TMEM135: variants seen among roughly 807,000 people sequenced by gnomAD.
The protein encoded by TMEM135 is transmembrane protein 135.
In TMEM135, 30 loss-of-function variants were observed where a neutral mutation model predicts 60.3. That is an observed-to-expected ratio of 0.50 (90% CI 0.37 to 0.68). The LOEUF (loss-of-function observed/expected upper bound fraction) is 0.68. TMEM135 is among the 30% of genes least tolerant of loss of function. TMEM135 has a pLI of 0.00. For synonymous variants in TMEM135, 190 were observed against 186.7 expected, an observed-to-expected ratio of 1.02 and a Z score of -0.14; for missense variants, 468 against 548.8, an observed-to-expected ratio of 0.85 and a Z score of 1.47.
At chr11:87,073,821 C>G (rs1241123285) in intron 3 of TMEM135, among the ~76,000 whole-genome samples, 1 of 152,022 alleles carries the variant, frequency 6.6e-6, no homozygotes, top group Non-Finnish European at 1.5e-5. Context: ...GTGCCTGCCA[C>G]CACGCCTGGC....
chr11:87,133,133 A>T (rs1437178004), intron 4 of TMEM135, among the ~76,000 whole-genome samples: 1 of 152,200 alleles, frequency 6.6e-6, no homozygotes, highest in Non-Finnish European at 1.5e-5. Flanking sequence ...GATGTTATCA[A>T]ACTACTCATA....
intron 6 of TMEM135, among the ~76,000 whole-genome samples, chr11:87,277,676 C>T (rs545931436): frequency 3.3e-5 from 5 of 151,970 alleles, no homozygotes; most frequent in Admixed American, 3.3e-4. Context: ...CGCCCACCAC[C>T]ACGCCTGGCT....
chr11:87,229,636 T>C (rs1455761154), intron 5 of TMEM135, among the ~76,000 whole-genome samples: 2 of 152,208 alleles, frequency 1.3e-5, no homozygotes, highest in African/African-American at 4.8e-5. Context: ...TTACAAAGTA[T>C]GCTTTGGTAT....
At chr11:87,221,277 C>A (rs183797528) in intron 5 of TMEM135, among the ~76,000 whole-genome samples, 11 of 152,234 alleles carry the variant, frequency 7.2e-5, no homozygotes, top group African/African-American at 9.6e-5. Flanking sequence ...TATGAAAAAA[C>A]CAGCTAAAGT....
intron 3 of TMEM135, among the ~76,000 whole-genome samples, chr11:87,089,642 A>ATT (rs1284063073): frequency 6.6e-6 from 1 of 152,174 alleles, no homozygotes; most frequent in East Asian, 1.9e-4. Flanking sequence ...TTTTTTCTTC[A>ATT]TATGTAACCA....
At position 87,302,422 on chromosome 11, in the gene TMEM135, C is replaced by G. The variant is rs762893120; in HGVS notation, c.678C>G (p.Val226=). 3.7e-6 allele frequency: 6 copies of G among 1,613,702 alleles called. No homozygotes were observed. In the African/African-American group the frequency reaches 8.0e-5, roughly 22 times the overall value. Reference sequence around the variant, plus strand: ...GAAGAATGAATATGATTGGTCTAGTCAGGAAATTTGTGGATTCAATGTGAG... The same window carrying G: ...GAAGAATGAATATGATTGGTCTAGTGAGGAAATTTGTGGATTCAATGTGAG... ...KPGRMNMIGL[V]RKFVDSICKH... is the part of the protein sequence containing the mutation. The change falls in exon 8 of 15, where the codon GTC becomes GTG. Residue 226 remains valine, a synonymous_variant. Transcript: ENST00000305494.
chr11:87,080,747 C>A (rs1205413858), intron 3 of TMEM135, among the ~76,000 whole-genome samples: 1 of 152,148 alleles, frequency 6.6e-6, no homozygotes, highest in Non-Finnish European at 1.5e-5. Flanking sequence ...AGTGCAGTGG[C>A]ATGATGTCGG....
intron 4 of TMEM135, among the ~76,000 whole-genome samples, chr11:87,155,949 G>A (rs114881278): frequency 0.018 from 2,809 of 152,218 alleles, 78 homozygotes; most frequent in East Asian, 0.071. Flanking sequence ...TAACAATGGG[G>A]ATTCAAATGG....
chr11:87,253,290 A>G (rs902041700), intron 6 of TMEM135, among the ~76,000 whole-genome samples: 10 of 152,168 alleles, frequency 6.6e-5, no homozygotes, highest in Non-Finnish European at 1.5e-4. Flanking sequence ...GAAATATTGT[A>G]TGGAGAAACA....
intron 2 of TMEM135, 100 bp downstream of exon 2, chr11:87,067,921 C>T (rs1367304279): frequency 1.4e-6 from 2 of 1,432,792 alleles, no homozygotes; most frequent in Non-Finnish European, 1.9e-6. Context: ...ACTATCCCCG[C>T]CCCCCCTTTT....
At chr11:87,170,056 C>CTTT (rs1939190023) in intron 5 of TMEM135, among the ~76,000 whole-genome samples, 2 of 151,480 alleles carry the variant, frequency 1.3e-5, no homozygotes, top group African/African-American at 2.4e-5. Flanking sequence ...CTCTGATATC[C>CTTT]TTTTTCCACT....
At chr11:87,044,620 CTTA>C (rs1949778600) in intron 1 of TMEM135, among the ~76,000 whole-genome samples, 1 of 151,974 alleles carries the variant, frequency 6.6e-6, no homozygotes, top group Non-Finnish European at 1.5e-5. Flanking sequence ...TACATAATTT[CTTA>C]TTATCTCTTT....
At chr11:87,291,917 C>T (rs975768450) in intron 6 of TMEM135, among the ~76,000 whole-genome samples, 4 of 152,110 alleles carry the variant, frequency 2.6e-5, no homozygotes, top group Non-Finnish European at 5.9e-5. Context: ...TCTTACGTTG[C>T]CTAAAGGGCT....
At chr11:87,161,463 A>G (rs1227542943) in intron 5 of TMEM135, among the ~76,000 whole-genome samples, 5 of 152,168 alleles carry the variant, frequency 3.3e-5, no homozygotes, top group Admixed American at 6.5e-5. Flanking sequence ...CTCTTTTCTC[A>G]TATAACTTGA....
At chr11:87,199,626 G>A (rs1057260041) in intron 5 of TMEM135, among the ~76,000 whole-genome samples, 2 of 152,074 alleles carry the variant, frequency 1.3e-5, no homozygotes, top group Admixed American at 1.3e-4. Context: ...GGAGAAGATG[G>A]AATAAAATAA....
At chr11:87,081,315 T>C (rs1237584778) in intron 3 of TMEM135, among the ~76,000 whole-genome samples, 1 of 152,074 alleles carries the variant, frequency 6.6e-6, no homozygotes, top group Non-Finnish European at 1.5e-5. Flanking sequence ...TTTGTTTTGT[T>C]TTTAGAATTC....
Position 87,091,252 on chromosome 11 carries a change from C to T in TMEM135, c.363-110C>T, listed in dbSNP as rs1045175269. On this transcript the variant is annotated intron_variant, in intron 3 of 14. Coordinates refer to ENST00000305494, the MANE Select transcript of TMEM135 (RefSeq NM_022918.4). ...TACCTGTTTTTCTAAGATACCAGTA[C>T]GTTTCTCAATTTCTGAGAATATAAT... 110 of 969,366 alleles carry T rather than the reference C, an allele frequency of 1.1e-4. 1 individual carries two copies. The highest frequency in any genetic ancestry group is 1.5e-4 in the Non-Finnish European group (96 of 640,400). 60.0% of individuals were successfully genotyped at this position (969,366 alleles called of 1,614,324 possible).
intron 4 of TMEM135, among the ~76,000 whole-genome samples, chr11:87,138,563 T>C (rs1252458794): frequency 6.6e-6 from 1 of 152,246 alleles, no homozygotes; most frequent in African/African-American, 2.4e-5. Context: ...ACTCATTAGC[T>C]CTTACATCTT....
chr11:87,258,428 C>T (rs1941575156), intron 6 of TMEM135, among the ~76,000 whole-genome samples: 1 of 152,090 alleles, frequency 6.6e-6, no homozygotes, highest in South Asian at 2.1e-4. Context: ...TGCATTTTGT[C>T]TGTTTTACAT....
Sources: gnomAD v4.1 joint callset for allele counts (sites outside exome capture counted in the v4.1 genomes callset) on GRCh38, gnomAD v4.1.1 for gene constraint, MANE v1.5 for transcripts, NCBI Gene and HGNC (gene_info 2026-07-23, HGNC 2026-07-21) for gene names.